Variants in ADGRL2 observed in about 807,000 individuals in gnomAD.
ADGRL2 encodes calcium-independent alpha-latrotoxin receptor 2.
ADGRL2 carries 44 observed loss-of-function variants against 157.4 expected under a neutral mutation model. The ratio of observed to expected loss-of-function variants is 0.28; its 90% CI spans 0.22 to 0.36. The LOEUF (loss-of-function observed/expected upper bound fraction) is 0.36. Ranked by LOEUF, ADGRL2 falls within the 10% of genes least tolerant of loss-of-function variation. The pLI is 1.00. For synonymous variants in ADGRL2, 585 were observed against 624.7 expected (o/e 0.94, Z 0.95); for missense variants, 1,510 against 1,768.9 (o/e 0.85, Z 2.63).
intron 1 of ADGRL2, among the ~76,000 whole-genome samples, chr1:81,432,548 G>A (rs1175662304): frequency 6.6e-6 from 1 of 152,126 alleles, no homozygotes; most frequent in Non-Finnish European, 1.5e-5. Flanking sequence ...TAAATGATTG[G>A]GATTTTGTCA....
intron 2 of ADGRL2, among the ~76,000 whole-genome samples, chr1:81,544,658 C>T (rs1042138496): frequency 1.3e-5 from 2 of 152,170 alleles, no homozygotes; most frequent in African/African-American, 4.8e-5. Context: ...TCCTTCCCTC[C>T]TTCCCTGCTA....
chr1:81,856,464 C>G (rs1282855375), intron 2 of ADGRL2, among the ~76,000 whole-genome samples: 1 of 152,080 alleles, frequency 6.6e-6, no homozygotes, highest in African/African-American at 2.4e-5. Context: ...GTCAAAGAAC[C>G]ATGTCTTTTT....
chr1:81,905,683 C>T, intron 2 of ADGRL2, among the ~76,000 whole-genome samples: 1 of 152,060 alleles, frequency 6.6e-6, no homozygotes, highest in Admixed American at 6.6e-5. Context: ...TTCCAATATT[C>T]CTAGCATTTT....
intron 1 of ADGRL2, among the ~76,000 whole-genome samples, chr1:81,802,178 G>A (rs1262972190): frequency 6.6e-6 from 1 of 151,734 alleles, no homozygotes; most frequent in East Asian, 2.0e-4. Flanking sequence ...GCCTGTCCCC[G>A]CGCGGCCCCC....
intron 3 of ADGRL2, among the ~76,000 whole-genome samples, chr1:81,602,982 A>AG (rs2148640572): frequency 6.6e-6 from 1 of 152,190 alleles, no homozygotes; most frequent in South Asian, 2.1e-4. Context: ...AAGGTGAGGA[A>AG]GGCTGGTGTT....
At chr1:81,818,566 A>G (rs897214007) in intron 1 of ADGRL2, among the ~76,000 whole-genome samples, 6 of 152,140 alleles carry the variant, frequency 3.9e-5, no homozygotes, top group Non-Finnish European at 7.4e-5. Context: ...GAACGATCCT[A>G]CTTATAAGCA....
intron 3 of ADGRL2, among the ~76,000 whole-genome samples, chr1:81,693,878 C>T (rs77462334): frequency 1.3e-5 from 2 of 152,120 alleles, no homozygotes; most frequent in East Asian, 3.9e-4. Flanking sequence ...ATCCCACAAA[C>T]ATTTTTTGAT....
chr1:81,961,717 C>T (rs924206361), intron 11 of ADGRL2, among the ~76,000 whole-genome samples: 4 of 151,946 alleles, frequency 2.6e-5, no homozygotes, highest in African/African-American at 4.8e-5. Context: ...ACCATTTTGG[C>T]CAGGCAAGTC....
chr1:81,414,716 T>A (rs1295814285), intron 1 of ADGRL2, among the ~76,000 whole-genome samples: 1 of 152,220 alleles, frequency 6.6e-6, no homozygotes, highest in Non-Finnish European at 1.5e-5. Context: ...TGGCACTGTT[T>A]AACAGCTGCT....
intron 2 of ADGRL2, among the ~76,000 whole-genome samples, chr1:81,847,079 A>C (rs1381466691): frequency 6.6e-6 from 1 of 151,738 alleles, no homozygotes; most frequent in Non-Finnish European, 1.5e-5. Flanking sequence ...AGGGAAATGG[A>C]ACCCATTGCA....
intron 2 of ADGRL2, among the ~76,000 whole-genome samples, chr1:81,893,240 A>G (rs1004164083): frequency 2.7e-5 from 4 of 147,762 alleles, no homozygotes; most frequent in African/African-American, 4.9e-5. Context: ...GCCTGTCATT[A>G]TAAATCAGAT....
chr1:81,503,540 C>T, intron 2 of ADGRL2: 1 of 1,548,606 alleles, frequency 6.5e-7, no homozygotes, highest in Non-Finnish European at 8.8e-7. Context: ...CAGAATTTAC[C>T]TCATCTCACG....
At chr1:81,483,540 A>C (rs1432016375) in intron 2 of ADGRL2, among the ~76,000 whole-genome samples, 1 of 152,220 alleles carries the variant, frequency 6.6e-6, no homozygotes, top group South Asian at 2.1e-4. Context: ...ATAACACTAC[A>C]TAAAACCCAA....
intron 2 of ADGRL2, among the ~76,000 whole-genome samples, chr1:81,458,421 C>T (rs4420124): frequency 0.57 from 86,751 of 152,070 alleles, 26,403 homozygotes; most frequent in Non-Finnish European, 0.67. Flanking sequence ...GAATGGCGCC[C>T]GGCACGTTCT....
chr1:81,930,457 G>A (rs911445875), intron 3 of ADGRL2, among the ~76,000 whole-genome samples: 2 of 152,090 alleles, frequency 1.3e-5, no homozygotes, highest in African/African-American at 4.8e-5. Flanking sequence ...TGCCTTAAAA[G>A]TTAATATTGA....
At chr1:81,430,616 GC>G (rs1359213030) in intron 1 of ADGRL2, among the ~76,000 whole-genome samples, 1 of 151,952 alleles carries the variant, frequency 6.6e-6, no homozygotes, top group African/African-American at 2.4e-5. Flanking sequence ...CTCTCCCCCA[GC>G]CCCCCACTGA....
At chr1:81,839,483 G>A (rs532355518) in intron 2 of ADGRL2, among the ~76,000 whole-genome samples, 2 of 151,800 alleles carry the variant, frequency 1.3e-5, no homozygotes, top group African/African-American at 2.4e-5. Context: ...CCCATCACCC[G>A]AGCAGTATAC....
intron 4 of ADGRL2, among the ~76,000 whole-genome samples, chr1:81,938,750 A>G (rs931382923): frequency 1.3e-5 from 2 of 151,522 alleles, no homozygotes; most frequent in Non-Finnish European, 3.0e-5. Context: ...CACGGTTTCA[A>G]CTAATATTAA....
At chr1:81,922,896 T>G (rs2095020814) in intron 3 of ADGRL2, among the ~76,000 whole-genome samples, 1 of 152,258 alleles carries the variant, frequency 6.6e-6, no homozygotes, top group African/African-American at 2.4e-5. Context: ...CTGCCTTTCT[T>G]CTTTTCCTCC....
Sources: gnomAD v4.1 joint callset for allele counts (sites outside exome capture counted in the v4.1 genomes callset) on GRCh38, gnomAD v4.1.1 for gene constraint, MANE v1.5 for transcripts, NCBI Gene and HGNC (gene_info 2026-07-23, HGNC 2026-07-21) for gene names.